MITF: variants seen among roughly 807,000 people sequenced by gnomAD.
MITF encodes microphthalmia-associated transcription factor.
In MITF, 17 loss-of-function variants were observed where a neutral mutation model predicts 60.5. That is an observed-to-expected ratio of 0.28 (90% CI 0.19 to 0.42). The LOEUF (loss-of-function observed/expected upper bound fraction) is 0.42. Ranked by LOEUF, MITF falls within the 10% of genes least tolerant of loss-of-function variation. MITF has a pLI of 1.00. For synonymous variants in MITF, 260 were observed against 248.5 expected, an observed-to-expected ratio of 1.05 and a Z score of -0.43; for missense variants, 622 against 683.5, an observed-to-expected ratio of 0.91 and a Z score of 1.00.
At chr3:69,956,668 CT>C (rs2066406895) in intron 8 of MITF, 138 bp downstream of exon 8, 4 of 727,090 alleles carry the variant, frequency 5.5e-6, no homozygotes, top group Non-Finnish European at 7.3e-6. Flanking sequence ...CTAAATTCTT[CT>C]TACACCTTTC....
chr3:69,965,378 GC>G lies in MITF; in HGVS notation c.*133del. The G allele has an allele frequency of 1.1e-6, 1 of 885,562 alleles. No individual in the cohort carries two copies. Among genetic ancestry groups the G allele is most frequent in the Non-Finnish European group, 1.7e-6 (1 of 587,994 alleles). 54.9% of individuals were successfully genotyped at this position (885,562 alleles called of 1,614,324 possible). On this transcript the variant is annotated 3_prime_UTR_variant, in exon 10 of 10. Coordinates refer to ENST00000352241, the MANE Select transcript of MITF (RefSeq NM_001354604.2). ...AATTTTTTTTCATGCTTTATCAATA[GC>G]CCAGGATATATTTTATTTTTAGAAT... is the stretch of plus-strand genomic sequence containing the variant.
At chr3:69,744,845 A>T (rs1252935790) in intron 1 of MITF, among the ~76,000 whole-genome samples, 1 of 152,220 alleles carries the variant, frequency 6.6e-6, no homozygotes, top group Admixed American at 6.5e-5. Flanking sequence ...CTTTTATGCT[A>T]GTTAAAAAAA....
At chr3:69,799,164 T>C (rs545320657) in intron 1 of MITF, among the ~76,000 whole-genome samples, 2 of 152,172 alleles carry the variant, frequency 1.3e-5, no homozygotes, top group South Asian at 4.2e-4. Flanking sequence ...TGGGCAACAA[T>C]TGAGGAGATA....
chr3:69,912,256 A>G (rs535278611), intron 2 of MITF, among the ~76,000 whole-genome samples: 4 of 152,356 alleles, frequency 2.6e-5, no homozygotes, highest in African/African-American at 9.6e-5. Context: ...AATTCTGGGT[A>G]ATAGTTGCCT....
intron 7 of MITF, among the ~76,000 whole-genome samples, chr3:69,954,733 T>C (rs748912417): frequency 2.6e-5 from 4 of 152,228 alleles, no homozygotes; most frequent in Admixed American, 6.5e-5. Context: ...TTCAAAACCA[T>C]TGACCATCAT....
At chr3:69,760,973 T>A (rs1484147507) in intron 1 of MITF, among the ~76,000 whole-genome samples, 2 of 152,192 alleles carry the variant, frequency 1.3e-5, no homozygotes, top group Non-Finnish European at 2.9e-5. Context: ...TTTCAGTAGG[T>A]TCTGTACTTT....
At chr3:69,941,161 C>T in intron 4 of MITF, 75 bp from the exon 5 acceptor site, 4 of 954,718 alleles carry the variant, frequency 4.2e-6, no homozygotes, top group Non-Finnish European at 6.7e-6. Flanking sequence ...TAAAAAAAGA[C>T]CATGAGTCTC....
rs570970541 is a variant in MITF at position 69,933,771 on chromosome 3, C to T, written c.355-4051C>T. ...GGTTAGTCATCTGGAAAGTCAAAAA[C>T]ATGCAAACATTATCAGGAAATCATA... On this transcript the variant is annotated intron_variant, in intron 2 of 9. Transcript: ENST00000352241. Among the ~76,000 whole-genome samples the T allele has an allele frequency of 3.9e-5, 6 of 152,280 alleles. No homozygotes were observed. In the East Asian group the frequency reaches 1.2e-3, roughly 29 times the overall value.
In MITF at chr3:69,764,002, A is replaced by G; in HGVS notation, c.104+24301A>G. 2.5e-6 allele frequency: 3 copies of G among 1,215,130 alleles called. No individual in the cohort carries two copies. The South Asian group carries it at 4.2e-5, about 17-fold the overall frequency. The allele number at this position is 1,215,130 out of a possible 1,614,324, so 75.3% of individuals were successfully genotyped here. A position where few individuals can be genotyped will look rare whatever the true frequency, so the allele number is the denominator to read the frequency against. Reference sequence around the variant, plus strand: ...CAGGTTCTTATATAGCATGTTTTTTAAGGGATGTCAATCTTTATATCGTAT... The same window carrying G: ...CAGGTTCTTATATAGCATGTTTTTTGAGGGATGTCAATCTTTATATCGTAT... On this transcript the variant is annotated intron_variant, in intron 1 of 9. Transcript: ENST00000352241.
intron 1 of MITF, among the ~76,000 whole-genome samples, chr3:69,873,462 G>A (rs376434417): frequency 1.3e-5 from 2 of 152,144 alleles, no homozygotes; most frequent in Admixed American, 1.3e-4. Context: ...GGACTGGTTG[G>A]GGGCAGTTCT....
chr3:69,885,857 G>T (rs1438381695), intron 2 of MITF, among the ~76,000 whole-genome samples: 1 of 152,118 alleles, frequency 6.6e-6, no homozygotes, highest in Non-Finnish European at 1.5e-5. Flanking sequence ...TGTCTGGTCT[G>T]TGTCTCCCCA....
intron 1 of MITF, among the ~76,000 whole-genome samples, chr3:69,767,620 TA>T (rs1418167403): frequency 6.6e-6 from 1 of 151,496 alleles, no homozygotes; most frequent in Non-Finnish European, 1.5e-5. Context: ...AAAACAAAAA[TA>T]AAAAATGATT....
chr3:69,829,709 TGATA>T (rs1236109368), intron 1 of MITF, among the ~76,000 whole-genome samples: 1 of 151,718 alleles, frequency 6.6e-6, no homozygotes, highest in Non-Finnish European at 1.5e-5. Flanking sequence ...AACTGTCAGG[TGATA>T]GATTGTTTCC....
intron 1 of MITF, among the ~76,000 whole-genome samples, chr3:69,826,634 T>C (rs922115506): frequency 2.6e-5 from 4 of 152,186 alleles, no homozygotes; most frequent in African/African-American, 9.6e-5. Context: ...CTTGGTCTAG[T>C]TCTTTATGTT....
In MITF at chr3:69,739,665, C is replaced by T. The variant is rs1703451048; in HGVS notation, c.68C>T (p.Thr23Ile). 6.3e-7 allele frequency: 1 copy of T among 1,582,248 alleles called. No individual in the cohort carries two copies. The highest frequency in any genetic ancestry group is 1.3e-5 in the African/African-American group (1 of 74,682). ...GAGGAGTTTCATGAAGAGCCCAAAA[C>T]CTATTACGAACTCAAAAGTCAACCG... ...VGEEFHEEPK[T>I]YYELKSQPLK... The change falls in exon 1 of 10, where the codon ACC (threonine) becomes ATC (isoleucine). Residue 23 changes from threonine (T) to isoleucine (I), a missense_variant. Physicochemically the swap from Thr to Ile is moderately conservative, Grantham distance 89 (BLOSUM62 -1). Coordinates refer to ENST00000352241, the MANE Select transcript of MITF (RefSeq NM_001354604.2).
chr3:69,937,980 G>A lies in MITF; in HGVS notation c.513G>A (p.Pro171=), dbSNP rs774998383. Residue 171 remains proline, a synonymous_variant, in exon 3 of 10, where the codon CCG becomes CCA. Transcript: ENST00000352241. ...PNQPGDHVMP[P]VPGSSAPNSP... ...AGCCTGGCGATCATGTCATGCCACCGGTGCCGGGGAGCAGCGCACCCAACA... is the reference window on the plus strand; with the variant it reads ...AGCCTGGCGATCATGTCATGCCACCAGTGCCGGGGAGCAGCGCACCCAACA... 25 of 1,614,018 alleles carry A rather than the reference G, an allele frequency of 1.5e-5. No individual in the cohort carries two copies. Among genetic ancestry groups the A allele is most frequent in the Middle Eastern group, 1.6e-4 (1 of 6,082 alleles).
At chr3:69,834,438 G>C (rs759458211) in intron 1 of MITF, among the ~76,000 whole-genome samples, 11 of 152,064 alleles carry the variant, frequency 7.2e-5, no homozygotes, top group Non-Finnish European at 1.3e-4. Context: ...GTCTTTCTGT[G>C]TATGGCTTAT....
chr3:69,896,610 G>A (rs1314597360), intron 2 of MITF, among the ~76,000 whole-genome samples: 1 of 152,110 alleles, frequency 6.6e-6, no homozygotes, highest in East Asian at 1.9e-4. Context: ...AGGTTTTGAG[G>A]GATCTGCCCC....
At chr3:69,952,948 T>C (rs892059395) in intron 7 of MITF, among the ~76,000 whole-genome samples, 46 of 152,180 alleles carry the variant, frequency 3.0e-4, no homozygotes, top group Non-Finnish European at 8.8e-5. Context: ...TGTGTTTATG[T>C]TGTTTCTAGT....
Sources: gnomAD v4.1 joint callset for allele counts (sites outside exome capture counted in the v4.1 genomes callset) on GRCh38, gnomAD v4.1.1 for gene constraint, MANE v1.5 for transcripts, NCBI Gene and HGNC (gene_info 2026-07-23, HGNC 2026-07-21) for gene names.